Variants in NDUFAF2 observed in about 807,000 individuals in gnomAD.
The protein encoded by NDUFAF2 is NADH dehydrogenase [ubiquinone] 1 alpha subcomplex assembly factor 2.
A neutral mutation model predicts 22.8 loss-of-function variants in NDUFAF2; 13 were observed. The ratio of observed to expected loss-of-function variants is 0.57; its 90% CI spans 0.37 to 0.91. NDUFAF2 has a LOEUF of 0.91. Among genes scored for constraint, NDUFAF2 ranks in the 40% least tolerant of loss-of-function variants. The pLI, the probability that NDUFAF2 is intolerant of heterozygous loss-of-function variation, is 0.01. For synonymous variants in NDUFAF2, 53 were observed against 64.2 expected (o/e 0.83, Z 0.84); for missense variants, 162 against 195.2 (o/e 0.83, Z 1.01).
At chr5:60,972,997 T>G (rs1202147171) in intron 1 of NDUFAF2, among the ~76,000 whole-genome samples, 1 of 152,056 alleles carries the variant, frequency 6.6e-6, no homozygotes, top group Non-Finnish European at 1.5e-5. Flanking sequence ...TATACCCCTT[T>G]TCTTTCTCCT....
At chr5:60,973,134 C>A (rs62367862) in intron 1 of NDUFAF2, among the ~76,000 whole-genome samples, 60,617 of 151,906 alleles carry the variant, frequency 0.4, 13,014 homozygotes, top group East Asian at 0.8. Context: ...AGACTTAGAT[C>A]TCTAATTAAA....
At chr5:60,962,559 G>A (rs1162908214) in intron 1 of NDUFAF2, among the ~76,000 whole-genome samples, 1 of 151,992 alleles carries the variant, frequency 6.6e-6, no homozygotes, top group East Asian at 1.9e-4. Flanking sequence ...AGAAAATTGC[G>A]TGGTGGCTCA....
intron 1 of NDUFAF2, among the ~76,000 whole-genome samples, chr5:61,067,501 A>G (rs914355083): frequency 2.0e-5 from 3 of 152,062 alleles, no homozygotes; most frequent in African/African-American, 7.2e-5. Context: ...ATCATTTTTT[A>G]TGGCTGCATA....
chr5:61,020,778 A>G (rs1364886707), intron 1 of NDUFAF2, among the ~76,000 whole-genome samples: 1 of 151,802 alleles, frequency 6.6e-6, no homozygotes, highest in Non-Finnish European at 1.5e-5. Context: ...GCTCACTGCA[A>G]CCTCTGCCTC....
At chr5:61,047,235 A>G (rs2111692357) in intron 1 of NDUFAF2, among the ~76,000 whole-genome samples, 1 of 152,248 alleles carries the variant, frequency 6.6e-6, no homozygotes, top group South Asian at 2.1e-4. Context: ...TAAGTTCCAG[A>G]TACTATTCTT....
chr5:61,084,657 A>G (rs1408260430), intron 2 of NDUFAF2, among the ~76,000 whole-genome samples: 2 of 152,190 alleles, frequency 1.3e-5, no homozygotes, highest in African/African-American at 2.4e-5. Context: ...TCAGAATTTC[A>G]TTCCTTTTTT....
chr5:61,129,919 A>G (rs1014474507), intron 3 of NDUFAF2, among the ~76,000 whole-genome samples: 2 of 152,096 alleles, frequency 1.3e-5, no homozygotes, highest in Non-Finnish European at 2.9e-5. Flanking sequence ...TAATTCTAAT[A>G]TTACAAGTAT....
rs374857100 is a variant in NDUFAF2, at chr5:61,080,058, C to CT, written c.217+6854dup. ...CATCTTGACTAGAAGCAAAAGGCAG[C>CT]TTTTTTTTTTAACATACCTTAATAC... is the stretch of plus-strand genomic sequence containing the variant. On this transcript the variant is annotated intron_variant, in intron 2 of 3. Transcript: ENST00000296597. Among the ~76,000 whole-genome samples the CT allele has an allele frequency of 3.0e-3, 441 of 147,986 alleles. 4 individuals are homozygous for CT. The highest frequency in any genetic ancestry group is 8.6e-3 in the African/African-American group (350 of 40,480).
intron 3 of NDUFAF2, among the ~76,000 whole-genome samples, chr5:61,099,494 T>C (rs1206327653): frequency 6.6e-6 from 1 of 151,260 alleles, no homozygotes; most frequent in Non-Finnish European, 1.5e-5. Context: ...AAAGAAACTT[T>C]AAAATACAGA....
intron 1 of NDUFAF2, among the ~76,000 whole-genome samples, chr5:61,043,244 A>G (rs1407303142): frequency 6.6e-6 from 1 of 152,118 alleles, no homozygotes; most frequent in Non-Finnish European, 1.5e-5. Flanking sequence ...AAAAATGATC[A>G]GTGGTTAGAG....
chr5:61,008,078 C>T (rs985506296), intron 1 of NDUFAF2, among the ~76,000 whole-genome samples: 2 of 145,432 alleles, frequency 1.4e-5, no homozygotes, highest in Non-Finnish European at 3.0e-5. Flanking sequence ...CGCATCTTCT[C>T]ACTCACAGGT....
rs541197939 is a variant in NDUFAF2 at position 61,094,835 on chromosome 5, C to T, written c.218-4157C>T. 1.4e-4 allele frequency among the ~76,000 whole-genome samples: 21 copies of T among 152,332 alleles called. No individual in the cohort carries two copies. In the East Asian group the frequency reaches 3.9e-3, roughly 28 times the overall value. ...AGCAAAGCTGGCAGCCTGCGCCTTT[C>T]TCTGGGAGCTCCTTCCCAGGGAGAT... On this transcript the variant is annotated intron_variant, in intron 2 of 3. Transcript: ENST00000296597.
At chr5:60,998,271 T>A (rs975283549) in intron 1 of NDUFAF2, among the ~76,000 whole-genome samples, 3 of 152,122 alleles carry the variant, frequency 2.0e-5, no homozygotes, top group Non-Finnish European at 4.4e-5. Context: ...ACAAAAAAAA[T>A]TTAATGATTA....
intron 1 of NDUFAF2, among the ~76,000 whole-genome samples, chr5:60,968,056 A>G (rs748907578): frequency 3.3e-4 from 50 of 151,506 alleles, no homozygotes; most frequent in Non-Finnish European, 6.6e-4. Context: ...TTTCTTCATG[A>G]TTAAGTTCTG....
chr5:60,985,927 T>C (rs1182566061), intron 1 of NDUFAF2, among the ~76,000 whole-genome samples: 5 of 152,104 alleles, frequency 3.3e-5, no homozygotes, highest in African/African-American at 1.2e-4. Flanking sequence ...ATGAGAAACA[T>C]TAAAATCAGA....
At chr5:61,001,541 TTGTCTTTAAGA>T (rs1751295610) in intron 1 of NDUFAF2, among the ~76,000 whole-genome samples, 1 of 152,162 alleles carries the variant, frequency 6.6e-6, no homozygotes, top group African/African-American at 2.4e-5. Flanking sequence ...CATACAGAGT[TTGTCTTTAAGA>T]TACTGAATCC....
chr5:60,976,375 A>G (rs1750903220), intron 1 of NDUFAF2, among the ~76,000 whole-genome samples: 1 of 151,170 alleles, frequency 6.6e-6, no homozygotes, highest in African/African-American at 2.4e-5. Context: ...ATGCCCTCAG[A>G]CTCATTCATT....
chr5:60,948,281 G>T (rs538572979), intron 1 of NDUFAF2, among the ~76,000 whole-genome samples: 6 of 152,156 alleles, frequency 3.9e-5, no homozygotes, highest in Non-Finnish European at 8.8e-5. Context: ...GTGCAGTGGC[G>T]CTATCTCGGC....
chr5:61,103,392 C>G (rs964572454), intron 3 of NDUFAF2, among the ~76,000 whole-genome samples: 8 of 151,962 alleles, frequency 5.3e-5, no homozygotes, highest in African/African-American at 1.5e-4. Flanking sequence ...GTTTTCCTCA[C>G]CTTTTTTTCC....
Sources: gnomAD v4.1 joint callset for allele counts (sites outside exome capture counted in the v4.1 genomes callset) on GRCh38, gnomAD v4.1.1 for gene constraint, MANE v1.5 for transcripts, NCBI Gene and HGNC (gene_info 2026-07-23, HGNC 2026-07-21) for gene names.